PCDHGB4: variants seen among roughly 807,000 people sequenced by gnomAD.
PCDHGB4 encodes the protein protocadherin gamma-B4.
In PCDHGB4, 38 loss-of-function variants were observed where a neutral mutation model predicts 60.5. The ratio of observed to expected loss-of-function variants is 0.63; its 90% CI spans 0.48 to 0.82. The LOEUF is 0.82. PCDHGB4 is among the 40% of genes least tolerant of loss of function. PCDHGB4 has a pLI of 0.00. For synonymous variants in PCDHGB4, 456 were observed against 509.7 expected, an observed-to-expected ratio of 0.89 and a Z score of 1.42; for missense variants, 1,109 against 1,209.6, an observed-to-expected ratio of 0.92 and a Z score of 1.23.
chr5:141,500,989 C>T (rs779352768), intron 2 of PCDHGB4, among the ~76,000 whole-genome samples: 1 of 152,040 alleles, frequency 6.6e-6, no homozygotes, highest in Non-Finnish European at 1.5e-5. Context: ...CTGCCTCAGC[C>T]TCCTGAGTAG....
chr5:141,398,586 A>C, intron 1 of PCDHGB4: 1 of 1,614,054 alleles, frequency 6.2e-7, no homozygotes, highest in Admixed American at 1.7e-5. Flanking sequence ...CAAGATTTAT[A>C]CTAGAAGTAG....
chr5:141,489,846 T>C lies in PCDHGB4; in HGVS notation c.2398-4961T>C. The C allele has an allele frequency of 6.2e-7, 1 of 1,614,190 alleles. No individual in the cohort carries two copies. The highest frequency in any genetic ancestry group is 1.1e-5 in the South Asian group (1 of 91,088). ...TGGTGCTAGAGCAGCAGCTGGATCG[T>C]GAAGCCCAGGCAAGACATCAGCTGG... is the stretch of plus-strand genomic sequence containing the variant. On this transcript the variant is annotated intron_variant, in intron 1 of 3. Coordinates refer to ENST00000519479, the MANE Select transcript of PCDHGB4 (RefSeq NM_003736.4). This position sits in a 1 kb window ranked among gnomAD's most constrained non-coding sequence, Gnocchi z 4.5.
At chr5:141,464,327 C>G (rs893319708) in intron 1 of PCDHGB4, among the ~76,000 whole-genome samples, 15 of 150,890 alleles carry the variant, frequency 9.9e-5, no homozygotes, top group African/African-American at 3.7e-4. Flanking sequence ...TCTGTTCAAC[C>G]CATCTATGAC....
At chr5:141,433,607 G>A (rs1209706866) in intron 1 of PCDHGB4, among the ~76,000 whole-genome samples, 2 of 152,078 alleles carry the variant, frequency 1.3e-5, no homozygotes, top group East Asian at 1.9e-4. Context: ...AGGCCGAGGC[G>A]GGTGGATCAC....
At chr5:141,435,728 A>T (rs549219746) in intron 1 of PCDHGB4, among the ~76,000 whole-genome samples, 1 of 152,200 alleles carries the variant, frequency 6.6e-6, no homozygotes, top group Non-Finnish European at 1.5e-5. Flanking sequence ...GCTAAAGTGT[A>T]TTACTCTTTG....
In PCDHGB4 at chr5:141,388,940, C is replaced by T; in HGVS notation, c.1056C>T (p.Asn352=). Residue 352 remains asparagine (N), a synonymous_variant, in exon 1 of 4, where the codon AAC becomes AAT. Coordinates refer to ENST00000519479, the MANE Select transcript of PCDHGB4 (RefSeq NM_003736.4). ...APEVIFQSLP[N]LIMEDAELGT... ...AAGTGATATTCCAGTCTCTACCCAA[C>T]CTAATTATGGAGGACGCCGAGCTGG... 1 of 1,613,966 alleles carries T rather than the reference C, an allele frequency of 6.2e-7. No homozygotes were observed. The highest frequency in any genetic ancestry group is 1.1e-5 in the South Asian group (1 of 91,084).
intron 1 of PCDHGB4, chr5:141,427,689 A>C (rs3749765): frequency 0.15 from 132,103 of 873,882 alleles, 11,769 homozygotes; most frequent in African/African-American, 0.33. Flanking sequence ...CGGAGCCTCC[A>C]TCCCACAAGT....
chr5:141,484,866 C>A (rs1474623432), intron 1 of PCDHGB4: 9 of 275,500 alleles, frequency 3.3e-5, no homozygotes, highest in Non-Finnish European at 5.5e-5. Context: ...GGTGGGGGAG[C>A]GTGGAGGATA....
Position 141,489,400 on chromosome 5 carries a change from T to A in PCDHGB4, c.2398-5407T>A. 6.2e-7 allele frequency: 1 copy of A among 1,614,134 alleles called. No individual in the cohort carries two copies. Among genetic ancestry groups the A allele is most frequent in the Non-Finnish European group, 8.5e-7 (1 of 1,180,020 alleles). On this transcript the variant is annotated intron_variant, in intron 1 of 3. Transcript: ENST00000519479. This position sits in a 1 kb window ranked among gnomAD's most constrained non-coding sequence, Gnocchi z 4.5. ...GGGGAATGTTGCTCAGGATCTGGGC[T>A]TAAAGATGACAGATCTGTTGAGCCG...
At chr5:141,395,138 C>G (rs147992300) in intron 1 of PCDHGB4, 3 of 1,614,204 alleles carry the variant, frequency 1.9e-6, no homozygotes, top group Non-Finnish European at 2.5e-6. Context: ...AGCCCAACTA[C>G]GCAGACATGC....
rs747509171 is a variant in PCDHGB4, at chr5:141,477,069, A to G, written c.2398-17738A>G. The stretch of plus-strand genomic sequence containing the variant: ...CTGGACTTCGAGGACACCAAACTCC[A>G]TGAGATTTACATCCAGGCCAAAGAC... On this transcript the variant is annotated intron_variant, in intron 1 of 3. Coordinates refer to ENST00000519479, the MANE Select transcript of PCDHGB4 (RefSeq NM_003736.4). The surrounding 1 kb of genome is among the most constrained non-coding windows in gnomAD (Gnocchi z 4.9). 7 of 1,614,246 alleles carry G rather than the reference A, an allele frequency of 4.3e-6. No homozygotes were observed. The highest frequency in any genetic ancestry group is 5.9e-6 in the Non-Finnish European group (7 of 1,180,026).
At position 141,467,151 on chromosome 5, in the gene PCDHGB4, C is replaced by T. The variant is rs527879624; in HGVS notation, c.2398-27656C>T. ...CACTGCAACCTCTGCCTCCCAGGTT[C>T]AAGTGATTCTCATCTCTCAGCCTCC... is the stretch of plus-strand genomic sequence containing the variant. On this transcript the variant is annotated intron_variant, in intron 1 of 3. Transcript: ENST00000519479. Among the ~76,000 whole-genome samples the T allele has an allele frequency of 4.0e-5, 6 of 151,660 alleles. No homozygotes were observed. In the East Asian group the frequency reaches 7.8e-4, roughly 20 times the overall value.
chr5:141,408,112 C>T, intron 1 of PCDHGB4: 1 of 1,460,448 alleles, frequency 6.8e-7, no homozygotes, highest in African/African-American at 1.4e-5. Flanking sequence ...CCCGGGACTC[C>T]TCCTGTCCTG....
Position 141,388,273 on chromosome 5 carries a change from C to T in PCDHGB4, c.389C>T (p.Thr130Met). The change falls in exon 1 of 4, where the codon ACG becomes ATG. Residue 130 changes from threonine to methionine, a missense_variant. By Grantham distance (81) the Thr-to-Met change is moderately conservative. Around this residue, in one of 2 missense-constraint regions of PCDHGB4, gnomAD observed 1,068 missense variants for 1,089.9 expected, o/e 0.98. Coordinates refer to ENST00000519479, the MANE Select transcript of PCDHGB4 (RefSeq NM_003736.4). Reference protein sequence around the residue: ...NVEIEDINDHTPKFTQNSFEL... With the variant: ...NVEIEDINDHMPKFTQNSFEL... ...GAGATCGAGGACATTAATGACCACA[C>T]GCCAAAATTCACGCAAAATTCCTTT... The T allele has an allele frequency of 3.1e-6, 5 of 1,597,470 alleles. No homozygotes were observed. Among genetic ancestry groups the T allele is most frequent in the Non-Finnish European group, 4.3e-6 (5 of 1,172,964 alleles).
intron 3 of PCDHGB4, chr5:141,507,313 T>TAC (rs1554192306): frequency 6.7e-6 from 1 of 150,168 alleles, no homozygotes. Context: ...CATAATGTAC[T>TAC]AAAAAAAAAA....
chr5:141,397,695 C>T lies in PCDHGB4; in HGVS notation c.2397+7414C>T, dbSNP rs146807025. ...AATGTATGCAGGTTTGTATAAAAAC[C>T]CAACGTGATATTTCTAACAATTTGG... On this transcript the variant is annotated intron_variant, in intron 1 of 3. Coordinates refer to ENST00000519479, the MANE Select transcript of PCDHGB4 (RefSeq NM_003736.4). 1.4e-3 allele frequency among the ~76,000 whole-genome samples: 211 copies of T among 152,210 alleles called. 1 individual carries two copies. Among genetic ancestry groups the T allele is most frequent in the African/African-American group, 4.7e-3 (197 of 41,534 alleles).
At position 141,389,700 on chromosome 5, in the gene PCDHGB4, G is replaced by A. The variant is rs534784537; in HGVS notation, c.1816G>A (p.Val606Met). The change falls in exon 1 of 4, where the codon GTG becomes ATG. Residue 606 changes from valine to methionine, a missense_variant. Coordinates refer to ENST00000519479, the MANE Select transcript of PCDHGB4 (RefSeq NM_003736.4). ...SGHNAWLSYH[V>M]LQASEPGLFS... ...ACACAACGCCTGGCTGTCCTACCAC[G>A]TGCTGCAGGCTAGCGAGCCCGGGCT... 11 of 1,612,578 alleles carry A rather than the reference G, an allele frequency of 6.8e-6. No homozygotes were observed. The South Asian group carries it at 1.1e-4, about 16-fold the overall frequency.
chr5:141,469,552 C>G (rs956606902), intron 1 of PCDHGB4, among the ~76,000 whole-genome samples: 1 of 151,910 alleles, frequency 6.6e-6, no homozygotes, highest in African/African-American at 2.4e-5. Context: ...TCCAGCCTGG[C>G]GACAGAGTGA....
At chr5:141,417,648 T>A in intron 1 of PCDHGB4, 5 of 818,672 alleles carry the variant, frequency 6.1e-6, no homozygotes, top group Non-Finnish European at 9.1e-6. Flanking sequence ...TCCCTCAGCC[T>A]CTAGCCTGGG....
Sources: gnomAD v4.1 joint callset for allele counts (sites outside exome capture counted in the v4.1 genomes callset) on GRCh38, gnomAD v4.1.1 for gene constraint, gnomAD v4.1.1 regional missense constraint, Gnocchi (gnomAD v3.1) non-coding constraint, MANE v1.5 for transcripts, NCBI Gene and HGNC (gene_info 2026-07-23, HGNC 2026-07-21) for gene names.